TAPT1: variants seen among roughly 807,000 people sequenced by gnomAD.
TAPT1 encodes the protein transmembrane anterior posterior transformation 1, also known as transmembrane anterior posterior transformation protein 1 homolog.
A neutral mutation model predicts 65.6 loss-of-function variants in TAPT1; 28 were observed. The ratio of observed to expected loss-of-function variants is 0.43; its 90% CI spans 0.32 to 0.59. The LOEUF is 0.59. TAPT1 is among the 20% of genes least tolerant of loss of function. The pLI, the probability that TAPT1 is intolerant of heterozygous loss-of-function variation, is 0.09. For missense variants in TAPT1, 563 were observed against 679.9 expected, an observed-to-expected ratio of 0.83 and a Z score of 1.91; for synonymous variants, 278 against 245.2, an observed-to-expected ratio of 1.13 and a Z score of -1.25.
At chr4:16,164,309 G>A (rs971927712) in intron 13 of TAPT1, among the ~76,000 whole-genome samples, 1 of 152,060 alleles carries the variant, frequency 6.6e-6, no homozygotes, top group Non-Finnish European at 1.5e-5. Context: ...CTCACCCCCA[G>A]AACCGCTGTC....
intron 2 of TAPT1, among the ~76,000 whole-genome samples, chr4:16,206,574 TA>T (rs1255202489): frequency 1.3e-5 from 2 of 151,786 alleles, no homozygotes; most frequent in African/African-American, 4.8e-5. Context: ...GCTCTGATCC[TA>T]CACCTTCTAT....
At position 16,174,251 on chromosome 4, in the gene TAPT1, A is replaced by T. The variant is rs1404094078; in HGVS notation, c.1189T>A (p.Ser397Thr). The T allele has an allele frequency of 6.2e-7, 1 of 1,607,952 alleles. No homozygotes were observed. ...ATAAAGCCCATCCTCCGTGCTACAG[A>T]GTCACTGTAATCAGTGTATGCCTGA... ...QKNAYTDYSD[S>T]VARRMGFIPL... The change falls in exon 11 of 14, where the codon TCT becomes ACT. Residue 397 changes from serine (S) to threonine (T), a missense_variant. Physicochemically the swap from Ser to Thr is moderately conservative, Grantham distance 58 (BLOSUM62 1). Around this residue, in one of 5 missense-constraint regions of TAPT1, gnomAD observed 104 missense variants for 102.5 expected, o/e 1.01. Coordinates refer to ENST00000405303, the MANE Select transcript of TAPT1 (RefSeq NM_153365.3).
chr4:16,179,572 G>A lies in TAPT1; in HGVS notation c.997+5C>T. On this transcript the variant is annotated splice_donor_5th_base_variant and intron_variant, in intron 8 of 13. Transcript: ENST00000405303. ...TAAGACACTGTTTTGTTAAGAGTGAGTTACCTGGATTCCAAGAAAACTGTT... is the reference window on the plus strand; with the variant it reads ...TAAGACACTGTTTTGTTAAGAGTGAATTACCTGGATTCCAAGAAAACTGTT... 1 of 1,513,330 alleles carries A rather than the reference G, an allele frequency of 6.6e-7. No homozygotes were observed. 93.7% of individuals were successfully genotyped at this position (1,513,330 alleles called of 1,614,324 possible).
In TAPT1 at chr4:16,163,114, G is replaced by A. The variant is rs1747360967; in HGVS notation, c.*194C>T. The A allele has an allele frequency of 1.5e-6, 1 of 651,196 alleles. No homozygotes were observed. Among genetic ancestry groups the A allele is most frequent in the Non-Finnish European group, 2.8e-6 (1 of 351,424 alleles). 40.3% of individuals were successfully genotyped at this position (651,196 alleles called of 1,614,324 possible). On this transcript the variant is annotated 3_prime_UTR_variant, in exon 14 of 14. Transcript: ENST00000405303. ...CAAGCTTCCCAGACAGTCAAGGCCG[G>A]AGGTCGCTCCTGTCCTGTGGTCTGA...
chr4:16,177,300 G>A (rs1560157462), intron 8 of TAPT1, among the ~76,000 whole-genome samples: 1 of 152,134 alleles, frequency 6.6e-6, no homozygotes, highest in Non-Finnish European at 1.5e-5. Context: ...TGCCAATTCA[G>A]TACCAGGTAC....
At chr4:16,220,130 C>A (rs969477088) in intron 1 of TAPT1, among the ~76,000 whole-genome samples, 9 of 152,206 alleles carry the variant, frequency 5.9e-5, no homozygotes, top group African/African-American at 1.9e-4. Context: ...TTTTGTTAAA[C>A]ATTGCTCTCT....
chr4:16,209,881 G>A (rs531773150), intron 2 of TAPT1, among the ~76,000 whole-genome samples: 14 of 152,320 alleles, frequency 9.2e-5, no homozygotes, highest in African/African-American at 2.9e-4. Flanking sequence ...ATGGATACAA[G>A]AGGTGGGATG....
intron 7 of TAPT1, among the ~76,000 whole-genome samples, chr4:16,184,445 G>A (rs969165974): frequency 6.6e-6 from 1 of 152,028 alleles, no homozygotes; most frequent in African/African-American, 2.4e-5. Context: ...CCAGTTTTTG[G>A]CTAGTATGAA....
In TAPT1 at chr4:16,162,913, C is replaced by T; in HGVS notation, c.*395G>A. On this transcript the variant is annotated 3_prime_UTR_variant, in exon 14 of 14. Transcript: ENST00000405303. Reference sequence around the variant, plus strand: ...TAGTATGAGACTGGAAAGATTACGTCGTGGTAAAAGTTTCACAGTTTTCCA... The same window carrying T: ...TAGTATGAGACTGGAAAGATTACGTTGTGGTAAAAGTTTCACAGTTTTCCA... 1 of 430,450 alleles carries T rather than the reference C, an allele frequency of 2.3e-6. No homozygotes were observed. The highest frequency in any genetic ancestry group is 1.6e-5 in the South Asian group (1 of 62,368). 26.7% of individuals were successfully genotyped at this position (430,450 alleles called of 1,614,324 possible). A position where few individuals can be genotyped will look rare whatever the true frequency, so the allele number is the denominator to read the frequency against.
At chr4:16,226,499 C>G, upstream of TAPT1, 1 of 1,031,758 alleles carries the variant, frequency 9.7e-7, no homozygotes, top group Non-Finnish European at 1.2e-6. Flanking sequence ...TCCCTCCAGC[C>G]TCTGCCTCCG....
chr4:16,212,432 T>C (rs1750695225), intron 2 of TAPT1, among the ~76,000 whole-genome samples: 1 of 152,250 alleles, frequency 6.6e-6, no homozygotes, highest in South Asian at 2.1e-4. Flanking sequence ...TAACAGTCTT[T>C]TAAGACACAA....
chr4:16,217,954 G>A (rs751445072), intron 1 of TAPT1, among the ~76,000 whole-genome samples: 17 of 152,216 alleles, frequency 1.1e-4, no homozygotes, highest in Non-Finnish European at 2.5e-4. Context: ...CAGCCAGTGA[G>A]TGCCCTGGGT....
intron 4 of TAPT1, among the ~76,000 whole-genome samples, chr4:16,188,777 G>A (rs557300061): frequency 2.2e-3 from 334 of 152,098 alleles, no homozygotes; most frequent in Admixed American, 5.0e-3. Context: ...AAAATTAGCC[G>A]GGCGTGGTGG....
intron 8 of TAPT1, 154 bp from the exon 9 acceptor site, chr4:16,176,382 C>G (rs769435666): frequency 1.8e-5 from 9 of 509,374 alleles, no homozygotes; most frequent in South Asian, 6.0e-5. Flanking sequence ...ATCAAAAGAG[C>G]TATACTGTAT....
intron 1 of TAPT1, among the ~76,000 whole-genome samples, chr4:16,221,283 G>A (rs1229200079): frequency 6.6e-6 from 1 of 151,552 alleles, no homozygotes; most frequent in Non-Finnish European, 1.5e-5. Flanking sequence ...ACACCTCCAC[G>A]CCCAGCTAAT....
chr4:16,224,287 C>T (rs1224278413), intron 1 of TAPT1, among the ~76,000 whole-genome samples: 3 of 152,098 alleles, frequency 2.0e-5, no homozygotes, highest in Admixed American at 6.5e-5. Context: ...AAGAGGGCAG[C>T]GCTAGACTTA....
intron 1 of TAPT1, chr4:16,216,070 T>C (rs1379947635): frequency 6.6e-6 from 1 of 152,206 alleles, no homozygotes; most frequent in Non-Finnish European, 1.5e-5. Flanking sequence ...AATTTTTCAC[T>C]GACCTTAGTG....
chr4:16,203,912 C>CT (rs1382134323), intron 2 of TAPT1, among the ~76,000 whole-genome samples: 1 of 152,072 alleles, frequency 6.6e-6, no homozygotes. Flanking sequence ...TATATAGGCC[C>CT]TTTTTTTGTT....
In TAPT1 at chr4:16,163,175, T is replaced by C; in HGVS notation, c.*133A>G. 1.4e-6 allele frequency: 1 copy of C among 726,590 alleles called. No homozygotes were observed. Among genetic ancestry groups the C allele is most frequent in the East Asian group, 2.7e-5 (1 of 36,946 alleles). 45.0% of individuals were successfully genotyped at this position (726,590 alleles called of 1,614,324 possible). ...GGCCATATTACTGGAAGAAAGATAC[T>C]AAGATTTGCTTGCCAATAATAATTT... On this transcript the variant is annotated 3_prime_UTR_variant, in exon 14 of 14. Coordinates refer to ENST00000405303, the MANE Select transcript of TAPT1 (RefSeq NM_153365.3).
Sources: gnomAD v4.1 joint callset for allele counts (sites outside exome capture counted in the v4.1 genomes callset) on GRCh38, gnomAD v4.1.1 for gene constraint, gnomAD v4.1.1 regional missense constraint, MANE v1.5 for transcripts, NCBI Gene and HGNC (gene_info 2026-07-23, HGNC 2026-07-21) for gene names.